Variants in MAN2B1 observed in about 807,000 individuals in gnomAD.
MAN2B1 encodes the protein mannosidase alpha class 2B member 1.
Under a neutral mutation model 127.5 loss-of-function variants are expected in MAN2B1, and 99 were observed. That is an observed-to-expected ratio of 0.78 (90% CI 0.66 to 0.92). The LOEUF (loss-of-function observed/expected upper bound fraction) is 0.92, where lower values mean the gene tolerates loss of function less well. MAN2B1 is among the 40% of genes least tolerant of loss of function. MAN2B1 has a pLI of 0.00. For missense variants in MAN2B1, 1,304 were observed against 1,384.8 expected (o/e 0.94, Z 0.93); for synonymous variants, 573 against 568.8 (o/e 1.01, Z -0.11).
chr19:12,659,750 C>A (rs779723936), intron 7 of MAN2B1, among the ~76,000 whole-genome samples: 14 of 151,954 alleles, frequency 9.2e-5, no homozygotes, highest in Non-Finnish European at 2.1e-4. Flanking sequence ...ACCCAGGAGG[C>A]AGAGGTTGCC....
At chr19:12,665,273 G>A in intron 3 of MAN2B1, 79 bp downstream of exon 3, 1 of 1,553,218 alleles carries the variant, frequency 6.4e-7, no homozygotes, top group Non-Finnish European at 8.8e-7. Context: ...CACGTGGCAT[G>A]ACAAATCTCA....
At chr19:12,658,877 G>A (rs1374749936) in intron 7 of MAN2B1, 6 of 343,022 alleles carry the variant, frequency 1.7e-5, no homozygotes, top group African/African-American at 4.3e-5. Context: ...TTTTTTTTGG[G>A]ACGGAGTCTT....
In MAN2B1 at chr19:12,647,011, T is replaced by C; in HGVS notation, c.2923+222A>G. 1.6e-6 allele frequency: 1 copy of C among 609,020 alleles called. No homozygotes were observed. Among genetic ancestry groups the C allele is most frequent in the East Asian group, 2.7e-5 (1 of 36,470 alleles). The allele number at this position is 609,020 out of a possible 1,614,324, so 37.7% of individuals were successfully genotyped here. Reference sequence around the variant, plus strand: ...CTAGACATGGATGGGGATTTTCAAATCTTGTTCTTGGGACTAAACAGCACC... The same window carrying C: ...CTAGACATGGATGGGGATTTTCAAACCTTGTTCTTGGGACTAAACAGCACC... On this transcript the variant is annotated intron_variant, in intron 23 of 23. Coordinates refer to ENST00000456935, the MANE Select transcript of MAN2B1 (RefSeq NM_000528.4). The surrounding 1 kb of genome is among the most constrained non-coding windows in gnomAD (Gnocchi z 4.9).
chr19:12,666,600 A>T lies in MAN2B1; in HGVS notation c.102T>A (p.Pro34=). Residue 34 remains proline (P), a synonymous_variant, in exon 1 of 24, where the codon CCT becomes CCA. Coordinates refer to ENST00000456935, the MANE Select transcript of MAN2B1 (RefSeq NM_000528.4). Reference sequence around the variant, plus strand: ...CCAGCAACAAAAGGAAAAAGCAGAGAGGCGGGAGCGGTGGCCGCAGGGCGC... The same window carrying T: ...CCAGCAACAAAAGGAAAAAGCAGAGTGGCGGGAGCGGTGGCCGCAGGGCGC... The part of the protein sequence containing the change: ...MSRALRPPLP[P]LCFFLLLLAA... 5 of 1,570,622 alleles carry T rather than the reference A, an allele frequency of 3.2e-6. No individual in the cohort carries two copies. Among genetic ancestry groups the T allele is most frequent in the Middle Eastern group, 1.7e-4 (1 of 6,000 alleles).
chr19:12,666,681 A>G lies in MAN2B1; in HGVS notation c.21T>C (p.Ala7=), dbSNP rs960850037. MGAYAR[A]SGVCARGCLD... is the part of the protein sequence containing the mutation. ...GGCAGCCGCGAGCGCAGACCCCCGA[A>G]GCCCGCGCGTAGGCGCCCATGGCTC... Residue 7 remains alanine (A), a synonymous_variant, in exon 1 of 24, where the codon GCT becomes GCC. Coordinates refer to ENST00000456935, the MANE Select transcript of MAN2B1 (RefSeq NM_000528.4). 4 of 1,550,940 alleles carry G rather than the reference A, an allele frequency of 2.6e-6. No individual in the cohort carries two copies. Among genetic ancestry groups the G allele is most frequent in the Non-Finnish European group, 3.5e-6 (4 of 1,147,464 alleles).
chr19:12,647,596 G>A lies in MAN2B1; in HGVS notation c.2667C>T (p.Phe889=). The A allele has an allele frequency of 1.2e-6, 2 of 1,610,904 alleles. No individual in the cohort carries two copies. Among genetic ancestry groups the A allele is most frequent in the Non-Finnish European group, 1.7e-6 (2 of 1,178,468 alleles). ...YNLGAPPRTQ[F]SGLRRDLPPS... is the part of the protein sequence containing the mutation. ...GCGGCAGGTCCCTGCGCAGCCCTGAGAACTGCGGGAGAGAGGGCGGGGCTG... is the reference window on the plus strand; with the variant it reads ...GCGGCAGGTCCCTGCGCAGCCCTGAAAACTGCGGGAGAGAGGGCGGGGCTG... The change falls in exon 22 of 24, where the codon TTC becomes TTT. Residue 889 remains phenylalanine, a splice_region_variant and synonymous_variant. Transcript: ENST00000456935. This position sits in a 1 kb window ranked among gnomAD's most constrained non-coding sequence, Gnocchi z 4.9.
At chr19:12,656,352 G>A (rs2023956292) in intron 13 of MAN2B1, 12 of 531,160 alleles carry the variant, frequency 2.3e-5, no homozygotes, top group Non-Finnish European at 3.7e-5. Context: ...GCGAGACTCC[G>A]TCTCAAAAAA....
Position 12,656,552 on chromosome 19 carries a change from AT to A in MAN2B1, c.1644+18del. 2 of 1,581,020 alleles carry A rather than the reference AT, an allele frequency of 1.3e-6. No individual in the cohort carries two copies. Among genetic ancestry groups the A allele is most frequent in the Non-Finnish European group, 1.7e-6 (2 of 1,149,970 alleles). On this transcript the variant is annotated intron_variant, in intron 13 of 23. Coordinates refer to ENST00000456935, the MANE Select transcript of MAN2B1 (RefSeq NM_000528.4). ...GGGGGAGGAGTCCCAGCGGGGGAAT[AT>A]TCGTTGTTTGGGCTCACATCGCTGG... is the stretch of plus-strand genomic sequence containing the variant.
chr19:12,658,381 C>A (rs1195649497), intron 8 of MAN2B1, 37 bp from the exon 9 acceptor site: 1 of 1,614,184 alleles, frequency 6.2e-7, no homozygotes, highest in Non-Finnish European at 8.5e-7. Context: ...GGGTCATGAC[C>A]CACGGGGCAT....
intron 14 of MAN2B1, among the ~76,000 whole-genome samples, chr19:12,654,461 A>G (rs530110186): frequency 5.6e-4 from 86 of 152,240 alleles, no homozygotes; most frequent in South Asian, 3.5e-3. Context: ...TCCCCACAAC[A>G]GCCAGAGCAC....
Position 12,646,736 on chromosome 19 carries a change from G to T in MAN2B1, c.2924-4C>A. On this transcript the variant is annotated splice_polypyrimidine_tract_variant and splice_region_variant and intron_variant, in intron 23 of 23. Transcript: ENST00000456935. ...GGAGTTTGGTGGGGTGTGGGGCCTG[G>T]AGAGGTGCAGGGGGAAGGAGGAGTG... 2 of 1,603,346 alleles carry T rather than the reference G, an allele frequency of 1.2e-6. No homozygotes were observed. The highest frequency in any genetic ancestry group is 2.2e-5 in the South Asian group (2 of 90,896).
At position 12,657,861 on chromosome 19, in the gene MAN2B1, A is replaced by G. The variant is rs2024006051; in HGVS notation, c.1309+202T>C. The G allele has an allele frequency of 5.0e-5, 31 of 621,214 alleles. 1 individual carries two copies. In the South Asian group the frequency reaches 5.7e-4, roughly 11 times the overall value. 38.5% of individuals were successfully genotyped at this position (621,214 alleles called of 1,614,324 possible). ...TCCCAGCTACTCGGGAGGCTGAGTC[A>G]GGAGAATGGCGTGAACACGGGAGGT... On this transcript the variant is annotated intron_variant, in intron 10 of 23. Transcript: ENST00000456935.
At chr19:12,658,563 G>A in intron 7 of MAN2B1, 53 bp from the exon 8 acceptor site, 1 of 1,508,226 alleles carries the variant, frequency 6.6e-7, no homozygotes, top group Non-Finnish European at 9.2e-7. Flanking sequence ...CTTCCTGGGG[G>A]CCCACACTTC....
At position 12,647,375 on chromosome 19, in the gene MAN2B1, G is replaced by A. The variant is rs374333674; in HGVS notation, c.2821-40C>T. On this transcript the variant is annotated intron_variant, in intron 22 of 23. Transcript: ENST00000456935. This position sits in a 1 kb window ranked among gnomAD's most constrained non-coding sequence, Gnocchi z 4.9. The stretch of plus-strand genomic sequence containing the variant: ...ATGGGCCCAGATGAGTTGGGGCAAA[G>A]CCAGGTTTCTCTTCTCTCCCTCTCT... 115 of 1,611,412 alleles carry A rather than the reference G, an allele frequency of 7.1e-5. 1 individual carries two copies. In the Admixed American group the frequency reaches 1.7e-3, roughly 24 times the overall value.
In MAN2B1 at chr19:12,652,442, C is replaced by T; in HGVS notation, c.1849G>A (p.Asp617Asn). 3 of 1,614,026 alleles carry T rather than the reference C, an allele frequency of 1.9e-6. No homozygotes were observed. The highest frequency in any genetic ancestry group is 2.5e-6 in the Non-Finnish European group (3 of 1,179,988). ...IENEHIRATF[D>N]PDTGLLMEIM... ...TCCATCAACAGCCCTGTGTCAGGAT[C>T]AAACGTTGCCCGGATGTGCTGGGCA... The change falls in exon 15 of 24, where the codon GAT (aspartate) becomes AAT (asparagine). Residue 617 changes from aspartate to asparagine, a missense_variant. Coordinates refer to ENST00000456935, the MANE Select transcript of MAN2B1 (RefSeq NM_000528.4).
rs1440294581 is a variant in MAN2B1, at chr19:12,648,362, G to A, written c.2477C>T (p.Ser826Leu). 3.1e-6 allele frequency: 5 copies of A among 1,613,416 alleles called. No homozygotes were observed. The highest frequency in any genetic ancestry group is 2.2e-5 in the East Asian group (1 of 44,892). ...CGACCCGTTCTCCATTAGTGGCTCC[G>A]ATACTCCGCGTCCATCGTCCTTCAG... is the stretch of plus-strand genomic sequence containing the variant. The part of the protein sequence containing the change: ...RLLKDDGRGV[S>L]EPLMENGSGA... The change falls in exon 21 of 24, where the codon TCG (serine) becomes TTG (leucine). Residue 826 changes from serine to leucine, a missense_variant. Physicochemically the swap from Ser to Leu is moderately radical, Grantham distance 145. Transcript: ENST00000456935.
intron 5 of MAN2B1, 53 bp downstream of exon 5, chr19:12,663,650 C>T: frequency 6.4e-7 from 1 of 1,572,478 alleles, no homozygotes; most frequent in South Asian, 1.1e-5. Flanking sequence ...AAGCCCAGGG[C>T]CCTTCTGAGT....
At position 12,657,049 on chromosome 19, in the gene MAN2B1, A is replaced by T; in HGVS notation, c.1427T>A (p.Leu476Gln). The stretch of plus-strand genomic sequence containing the variant: ...TCTGAGCCGCGCCAGCGCGTTGCTC[A>T]GAAGAACCTGCGGAAGAGCGCAAAG... ...AAGWGPCEVL[L>Q]SNALARLRGF... Residue 476 changes from leucine (L) to glutamine (Q), a missense_variant, in exon 12 of 24, where the codon CTG becomes CAG. Leu to Gln is a moderately radical substitution (Grantham distance 113). Transcript: ENST00000456935. 6.2e-7 allele frequency: 1 copy of T among 1,606,856 alleles called. No individual in the cohort carries two copies. The highest frequency in any genetic ancestry group is 8.5e-7 in the Non-Finnish European group (1 of 1,176,328).
At position 12,657,478 on chromosome 19, in the gene MAN2B1, G is replaced by A; in HGVS notation, c.1387C>T (p.Arg463Cys). 1 of 1,564,002 alleles carries A rather than the reference G, an allele frequency of 6.4e-7. No homozygotes were observed. Among genetic ancestry groups the A allele is most frequent in the Non-Finnish European group, 8.7e-7 (1 of 1,155,132 alleles). The change falls in exon 11 of 24, where the codon CGC becomes TGC. Residue 463 changes from arginine (R) to cysteine (C), a missense_variant. Physicochemically the swap from Arg to Cys is radical, Grantham distance 180. Coordinates refer to ENST00000456935, the MANE Select transcript of MAN2B1 (RefSeq NM_000528.4). ...SRQHVANDYA[R>C]QLAAGWGPCE... ...GGCCCCCAGCCTGCCGCAAGCTGGC[G>A]CGCGTAGTCGTTGGCCACGTGCTGG...
Sources: gnomAD v4.1 joint callset for allele counts (sites outside exome capture counted in the v4.1 genomes callset) on GRCh38, gnomAD v4.1.1 for gene constraint, Gnocchi (gnomAD v3.1) non-coding constraint, MANE v1.5 for transcripts, NCBI Gene and HGNC (gene_info 2026-07-23, HGNC 2026-07-21) for gene names.